Variants in MACROD2 observed in about 807,000 individuals in gnomAD.
The protein encoded by MACROD2 is ADP-ribose glycohydrolase MACROD2.
In MACROD2, 36 loss-of-function variants were observed where a neutral mutation model predicts 70.4. The observed-to-expected ratio is 0.51, with a 90% CI of 0.39 to 0.68. The LOEUF (loss-of-function observed/expected upper bound fraction) is 0.68. Among genes scored for constraint, MACROD2 ranks in the 30% least tolerant of loss-of-function variants. The probability of loss-of-function intolerance (pLI) is 0.00; values close to 1 mark genes in which losing one functional copy is unlikely to be tolerated. For synonymous variants in MACROD2, 172 were observed against 178.8 expected, an observed-to-expected ratio of 0.96 and a Z score of 0.30; for missense variants, 496 against 538.4, an observed-to-expected ratio of 0.92 and a Z score of 0.78.
In MACROD2 at chr20:14,326,981, T is replaced by A. The variant is rs766078809; in HGVS notation, c.272-166498T>A. 5.0e-6 allele frequency: 8 copies of A among 1,613,740 alleles called. No individual in the cohort carries two copies. Among genetic ancestry groups the A allele is most frequent in the Non-Finnish European group, 6.8e-6 (8 of 1,179,776 alleles). Reference sequence around the variant, plus strand: ...TCATCCAAGCGTAGTTCTTCTATAGTCCTGGGCAAACCCCAGGGAATTGTG... The same window carrying A: ...TCATCCAAGCGTAGTTCTTCTATAGACCTGGGCAAACCCCAGGGAATTGTG... On this transcript the variant is annotated intron_variant, in intron 3 of 17. Coordinates refer to ENST00000684519, the MANE Select transcript of MACROD2 (RefSeq NM_001351661.2). The surrounding 1 kb of genome is among the most constrained non-coding windows in gnomAD (Gnocchi z 5.5).
chr20:14,304,708 C>T (rs2082504928), intron 3 of MACROD2, among the ~76,000 whole-genome samples: 1 of 152,028 alleles, frequency 6.6e-6, no homozygotes, highest in Non-Finnish European at 1.5e-5. Context: ...CACACCTAAC[C>T]TCAGGCTGCT....
chr20:15,514,131 G>C (rs1179659952), intron 8 of MACROD2, among the ~76,000 whole-genome samples: 1 of 152,084 alleles, frequency 6.6e-6, no homozygotes, highest in Non-Finnish European at 1.5e-5. Context: ...AGAGTCAAAA[G>C]TTTAAAAAAT....
intron 8 of MACROD2, among the ~76,000 whole-genome samples, chr20:15,679,285 C>A (rs936469655): frequency 6.6e-6 from 1 of 151,000 alleles, no homozygotes; most frequent in Non-Finnish European, 1.5e-5. Context: ...GACGAACTGG[C>A]TTCCACATGC....
At chr20:14,162,330 G>C (rs539215335) in intron 3 of MACROD2, among the ~76,000 whole-genome samples, 8 of 152,158 alleles carry the variant, frequency 5.3e-5, no homozygotes, top group Non-Finnish European at 4.4e-5. Context: ...CTTATGAGAA[G>C]AACATTTATT....
chr20:14,206,648 C>T (rs2081526060), intron 3 of MACROD2, among the ~76,000 whole-genome samples: 1 of 148,550 alleles, frequency 6.7e-6, no homozygotes, highest in African/African-American at 2.5e-5. Flanking sequence ...TCCCACCATC[C>T]CATGAGGCTT....
chr20:14,248,451 C>T (rs2081984898), intron 3 of MACROD2, among the ~76,000 whole-genome samples: 1 of 152,096 alleles, frequency 6.6e-6, no homozygotes, highest in South Asian at 2.1e-4. Context: ...GGTGTGGTGG[C>T]ACATGCCTGT....
At chr20:15,933,514 TCAAA>T (rs1161393297) in intron 11 of MACROD2, 176 bp downstream of exon 11, 1 of 534,496 alleles carries the variant, frequency 1.9e-6, no homozygotes. Context: ...TTGAGTGCTT[TCAAA>T]CAGAGTGGCA....
chr20:14,718,006 G>A (rs926184139), intron 5 of MACROD2, among the ~76,000 whole-genome samples: 3 of 152,042 alleles, frequency 2.0e-5, no homozygotes, highest in Admixed American at 6.6e-5. Context: ...GTCTGTGAAT[G>A]TATACAGAGA....
At chr20:14,388,634 C>G (rs964327153) in intron 3 of MACROD2, among the ~76,000 whole-genome samples, 28 of 152,168 alleles carry the variant, frequency 1.8e-4, no homozygotes, top group African/African-American at 6.3e-4. Context: ...TTTACATTGC[C>G]TTTTCAGAAA....
chr20:15,923,399 C>T (rs1481942040), intron 10 of MACROD2, among the ~76,000 whole-genome samples: 10 of 152,106 alleles, frequency 6.6e-5, no homozygotes, highest in East Asian at 3.8e-4. Flanking sequence ...CAAGAAAGAC[C>T]GGCCCCCATG....
At chr20:15,977,499 A>G (rs1173732050) in intron 13 of MACROD2, among the ~76,000 whole-genome samples, 1 of 152,246 alleles carries the variant, frequency 6.6e-6, no homozygotes, top group African/African-American at 2.4e-5. Flanking sequence ...AGTAGCATAC[A>G]AGACTTTACC....
intron 3 of MACROD2, chr20:14,327,438 A>G (rs1456731414): frequency 6.2e-7 from 1 of 1,613,540 alleles, no homozygotes; most frequent in Non-Finnish European, 8.5e-7. Flanking sequence ...TAACTGATAG[A>G]GGTGCTACTT....
chr20:15,580,990 T>G (rs2048515918), intron 8 of MACROD2, among the ~76,000 whole-genome samples: 1 of 152,218 alleles, frequency 6.6e-6, no homozygotes, highest in Admixed American at 6.5e-5. Flanking sequence ...TCCATTTTTC[T>G]TCCTGCAACA....
intron 6 of MACROD2, among the ~76,000 whole-genome samples, chr20:15,429,446 A>T (rs1187546325): frequency 6.6e-6 from 1 of 152,184 alleles, no homozygotes; most frequent in Non-Finnish European, 1.5e-5. Context: ...AGAAAAAAGC[A>T]TATATCATTT....
chr20:14,038,692 TTTTAA>T (rs780598335), intron 2 of MACROD2, among the ~76,000 whole-genome samples: 4 of 152,236 alleles, frequency 2.6e-5, no homozygotes, highest in South Asian at 4.1e-4. Context: ...GCCATGATGT[TTTTAA>T]TTTAACAAAC....
chr20:14,396,745 GA>G (rs1258138019), intron 3 of MACROD2, among the ~76,000 whole-genome samples: 13 of 151,724 alleles, frequency 8.6e-5, no homozygotes, highest in Admixed American at 3.3e-4. Context: ...CTAACGCGGT[GA>G]AACCCCGTCA....
intron 5 of MACROD2, among the ~76,000 whole-genome samples, chr20:14,777,490 A>T (rs1221058011): frequency 6.6e-6 from 1 of 152,000 alleles, no homozygotes; most frequent in African/African-American, 2.4e-5. Flanking sequence ...ATGGCTTCAT[A>T]TATTTTGGTG....
intron 5 of MACROD2, among the ~76,000 whole-genome samples, chr20:14,809,215 A>G (rs1229873745): frequency 1.3e-5 from 2 of 152,128 alleles, no homozygotes; most frequent in African/African-American, 2.4e-5. Flanking sequence ...GCAAAAGAAC[A>G]GAAATTATAA....
intron 1 of MACROD2, among the ~76,000 whole-genome samples, chr20:13,996,156 C>T (rs1047751454): frequency 1.3e-5 from 2 of 151,742 alleles, no homozygotes; most frequent in South Asian, 2.1e-4. Context: ...TCCTCTGCAC[C>T]GCAGCTGGGA....
Sources: gnomAD v4.1 joint callset for allele counts (sites outside exome capture counted in the v4.1 genomes callset) on GRCh38, gnomAD v4.1.1 for gene constraint, Gnocchi (gnomAD v3.1) non-coding constraint, MANE v1.5 for transcripts, NCBI Gene and HGNC (gene_info 2026-07-23, HGNC 2026-07-21) for gene names.